LOC400499: variants seen among roughly 807,000 people sequenced by gnomAD.
chr16:11,499,356 G>GGGAATGGC, the LOC400499 span, among the ~76,000 whole-genome samples: 1 of 147,676 alleles, frequency 6.8e-6, no homozygotes, highest in African/African-American at 2.5e-5. Flanking sequence ...AGGGGAATGG[G>GGGAATGGC]GGAAGGGGAA....
At chr16:11,391,444 ACT>A in the LOC400499 span, among the ~76,000 whole-genome samples, 13 of 152,058 alleles carry the variant, frequency 8.5e-5, no homozygotes, top group Admixed American at 2.0e-4. Flanking sequence ...GAGCTTGGAG[ACT>A]CTGTAAAAAT....
chr16:11,429,678 T>C, the LOC400499 span, among the ~76,000 whole-genome samples: 1 of 152,144 alleles, frequency 6.6e-6, no homozygotes, highest in East Asian at 1.9e-4. Context: ...TTCACCATGT[T>C]GGCCAGGCTG....
the LOC400499 span, chr16:11,424,013 C>G: frequency 2.5e-6 from 1 of 398,870 alleles, no homozygotes; most frequent in Non-Finnish European, 4.4e-6. Flanking sequence ...GGCCGCCAGA[C>G]TACGTCCCAC....
the LOC400499 span, among the ~76,000 whole-genome samples, chr16:11,428,004 A>G: frequency 1.3e-5 from 2 of 152,222 alleles, no homozygotes; most frequent in Non-Finnish European, 2.9e-5. Context: ...ACAAGAAAGA[A>G]TTCAGGGAAA....
the LOC400499 span, among the ~76,000 whole-genome samples, chr16:11,378,109 C>G: frequency 6.6e-6 from 1 of 152,070 alleles, no homozygotes; most frequent in African/African-American, 2.4e-5. Context: ...GGTTTGAGAG[C>G]TTTTCCTTTT....
chr16:11,411,392 C>T, the LOC400499 span: 1 of 399,084 alleles, frequency 2.5e-6, no homozygotes, highest in Non-Finnish European at 4.4e-6. Context: ...GCCCCCAGGG[C>T]CATGTCGAGA....
At chr16:11,402,527 G>A in the LOC400499 span, among the ~76,000 whole-genome samples, 4 of 152,100 alleles carry the variant, frequency 2.6e-5, no homozygotes, top group Non-Finnish European at 4.4e-5. Context: ...GCCTCACCCC[G>A]CTTCCTCCCT....
the LOC400499 span, among the ~76,000 whole-genome samples, chr16:11,376,823 T>C: frequency 6.6e-6 from 1 of 152,220 alleles, no homozygotes; most frequent in Non-Finnish European, 1.5e-5. Context: ...TCCATAAATA[T>C]GAGATGCCTT....
At chr16:11,375,818 C>T in the LOC400499 span, among the ~76,000 whole-genome samples, 76 of 151,542 alleles carry the variant, frequency 5.0e-4, 1 homozygote, top group African/African-American at 1.8e-3. Flanking sequence ...CAACCTCTGC[C>T]TCCCAGGTTC....
At chr16:11,444,894 C>A in the LOC400499 span, among the ~76,000 whole-genome samples, 1 of 151,892 alleles carries the variant, frequency 6.6e-6, no homozygotes, top group Non-Finnish European at 1.5e-5. Flanking sequence ...CCAGCCTGGG[C>A]AATATAGCAA....
At chr16:11,437,159 G>A in the LOC400499 span, among the ~76,000 whole-genome samples, 21 of 152,326 alleles carry the variant, frequency 1.4e-4, 1 homozygote, top group South Asian at 3.3e-3. Context: ...GGGGTGGAGT[G>A]TAGGAGGAGG....
At chr16:11,455,417 A>C in the LOC400499 span, among the ~76,000 whole-genome samples, 9 of 152,176 alleles carry the variant, frequency 5.9e-5, no homozygotes, top group Non-Finnish European at 8.8e-5. Flanking sequence ...AAAAGAATTT[A>C]GCGTGCTTAC....
chr16:11,390,472 G>A, the LOC400499 span: 102 of 1,237,992 alleles, frequency 8.2e-5, no homozygotes, highest in Non-Finnish European at 9.2e-5. Context: ...CCCTGCAACA[G>A]GCAGCCACCA....
chr16:11,410,304 A>G, the LOC400499 span, among the ~76,000 whole-genome samples: 1 of 152,044 alleles, frequency 6.6e-6, no homozygotes, highest in South Asian at 2.1e-4. Context: ...AAATACAAAA[A>G]TTAGCCAGGC....
the LOC400499 span, among the ~76,000 whole-genome samples, chr16:11,394,917 A>G: frequency 6.6e-6 from 1 of 152,234 alleles, no homozygotes; most frequent in African/African-American, 2.4e-5. Flanking sequence ...CTGTTGCATT[A>G]AGCCTTCCAG....
At chr16:11,426,706 A>T in the LOC400499 span, among the ~76,000 whole-genome samples, 1 of 149,492 alleles carries the variant, frequency 6.7e-6, no homozygotes, top group Admixed American at 6.7e-5. Context: ...AGGTAGGAGG[A>T]TTGTTTAAGC....
chr16:11,520,664 C>CAAAAAA, the LOC400499 span, among the ~76,000 whole-genome samples: 1 of 63,148 alleles, frequency 1.6e-5, no homozygotes. Flanking sequence ...GAGACTCCAT[C>CAAAAAA]AAAAAAAAAA....
chr16:11,517,026 T>A, the LOC400499 span, among the ~76,000 whole-genome samples: 1 of 152,266 alleles, frequency 6.6e-6, no homozygotes, highest in South Asian at 2.1e-4. Flanking sequence ...ACTCCCCTCT[T>A]CTGCCTAAAG....
chr16:11,512,102 G>A, the LOC400499 span, among the ~76,000 whole-genome samples: 3 of 151,772 alleles, frequency 2.0e-5, no homozygotes, highest in Non-Finnish European at 4.4e-5. Flanking sequence ...CACCCTGATG[G>A]TAAAACCCCA....
Sources: gnomAD v4.1 joint callset for allele counts (sites outside exome capture counted in the v4.1 genomes callset) on GRCh38, gnomAD v4.1.1 for gene constraint, MANE v1.5 for transcripts.